NRXN1: variants seen among roughly 807,000 people sequenced by gnomAD.
The protein encoded by NRXN1 is neurexin 1.
Under a neutral mutation model 150.9 loss-of-function variants are expected in NRXN1, and 39 were observed. The observed-to-expected ratio is 0.26, with a 90% CI of 0.20 to 0.34. NRXN1 has a LOEUF of 0.34. Ranked by LOEUF, NRXN1 falls within the 10% of genes least tolerant of loss-of-function variation. The pLI, the probability that NRXN1 is intolerant of heterozygous loss-of-function variation, is 1.00. For missense variants in NRXN1, 1,815 were observed against 1,949.9 expected, an observed-to-expected ratio of 0.93 and a Z score of 1.30; for synonymous variants, 924 against 757.0, an observed-to-expected ratio of 1.22 and a Z score of -3.62.
chr2:51,030,992 G>A (rs1671457619), intron 1 of NRXN1, among the ~76,000 whole-genome samples: 1 of 151,392 alleles, frequency 6.6e-6, no homozygotes, highest in African/African-American at 2.4e-5. Context: ...CTCCACTAAT[G>A]CACACCTTGA....
intron 18 of NRXN1, among the ~76,000 whole-genome samples, chr2:50,182,722 A>C (rs2060814611): frequency 6.6e-6 from 1 of 152,098 alleles, no homozygotes; most frequent in African/African-American, 2.4e-5. Context: ...GGGAGATACA[A>C]TAAAAATCTA....
intron 5 of NRXN1, among the ~76,000 whole-genome samples, chr2:50,870,258 A>G (rs1398422931): frequency 1.3e-5 from 2 of 151,938 alleles, no homozygotes; most frequent in East Asian, 1.9e-4. Context: ...CATAGGTTTA[A>G]TCTTTTAAAC....
At chr2:50,163,397 C>T (rs555686821) in intron 18 of NRXN1, among the ~76,000 whole-genome samples, 1 of 152,134 alleles carries the variant, frequency 6.6e-6, no homozygotes, top group East Asian at 1.9e-4. Flanking sequence ...CCCATCCAAA[C>T]CATTGGCCTC....
Position 50,958,430 on chromosome 2 carries a change from T to C in NRXN1, c.773-32475A>G, listed in dbSNP as rs57463197. The stretch of plus-strand genomic sequence containing the variant: ...AAATTAGTAATTTGCATTCTTCTTT[T>C]ACCTAGGAACATGTCTTTACAAAAC... On this transcript the variant is annotated intron_variant, in intron 2 of 22. Coordinates refer to ENST00000401669, the MANE Select transcript of NRXN1 (RefSeq NM_001330078.2). Among the ~76,000 whole-genome samples the C allele has an allele frequency of 7.0e-3, 1,069 of 152,244 alleles. 8 individuals are homozygous for C. The highest frequency in any genetic ancestry group is 0.024 in the African/African-American group (1,008 of 41,524).
At chr2:50,282,483 T>A (rs2071586969) in intron 17 of NRXN1, among the ~76,000 whole-genome samples, 1 of 152,094 alleles carries the variant, frequency 6.6e-6, no homozygotes, top group African/African-American at 2.4e-5. Flanking sequence ...AATCTGAGTG[T>A]ATGGAGGGAA....
At chr2:50,245,902 TAACTC>T (rs1457147020) in intron 17 of NRXN1, among the ~76,000 whole-genome samples, 2 of 151,856 alleles carry the variant, frequency 1.3e-5, no homozygotes, top group East Asian at 1.9e-4. Flanking sequence ...GGCTTGTACT[TAACTC>T]TATTCTTAGT....
intron 11 of NRXN1, among the ~76,000 whole-genome samples, chr2:50,530,506 C>A (rs753374389): frequency 1.3e-5 from 2 of 152,070 alleles, no homozygotes; most frequent in African/African-American, 2.4e-5. Flanking sequence ...TTTCCTAATT[C>A]AGCCTGGTTT....
Position 50,538,613 on chromosome 2 carries a change from G to A in NRXN1, c.1783C>T (p.Arg595Cys), listed in dbSNP as rs1156747096. The change falls in exon 10 of 23, where the codon CGT (arginine) becomes TGT (cysteine). Residue 595 changes from arginine (R) to cysteine (C), a missense_variant. Physicochemically the swap from Arg to Cys is radical, Grantham distance 180. Coordinates refer to ENST00000401669, the MANE Select transcript of NRXN1 (RefSeq NM_001330078.2). ...TCACCAGGAGCAGTGTAGGGAGTAC[G>A]CAACGTGTTGACAGAAATGGTACCT... Reference protein sequence around the residue: ...RSGTISVNTLRTPYTAPGESE... With the variant: ...RSGTISVNTLCTPYTAPGESE... 2.0e-6 allele frequency: 3 copies of A among 1,499,262 alleles called. No individual in the cohort carries two copies. The highest frequency in any genetic ancestry group is 2.7e-6 in the Non-Finnish European group (3 of 1,122,692). 92.9% of individuals were successfully genotyped at this position (1,499,262 alleles called of 1,614,324 possible). A position where few individuals can be genotyped will look rare whatever the true frequency, so the allele number is the denominator to read the frequency against.
intron 18 of NRXN1, among the ~76,000 whole-genome samples, chr2:50,127,614 CTA>C (rs1487764958): frequency 1.3e-5 from 2 of 152,098 alleles, no homozygotes; most frequent in African/African-American, 4.8e-5. Flanking sequence ...AGGTGCCTTA[CTA>C]TATGTCTTAT....
At chr2:49,969,653 T>A (rs1488908563) in intron 21 of NRXN1, 1 of 152,096 alleles carries the variant, frequency 6.6e-6, no homozygotes, top group Non-Finnish European at 1.5e-5. Flanking sequence ...GAAAGAATTT[T>A]GTCTTTGATA....
chr2:50,595,979 T>C (rs1675134669), intron 8 of NRXN1, among the ~76,000 whole-genome samples: 1 of 152,218 alleles, frequency 6.6e-6, no homozygotes, highest in African/African-American at 2.4e-5. Context: ...AACAATGTCT[T>C]GGTTATTTCC....
intron 21 of NRXN1, among the ~76,000 whole-genome samples, chr2:49,965,627 T>C (rs936006418): frequency 6.6e-5 from 10 of 152,220 alleles, no homozygotes; most frequent in African/African-American, 2.4e-4. Flanking sequence ...CACAAGTTTT[T>C]GTGCCTACTA....
chr2:50,555,233 C>T (rs935160384), intron 8 of NRXN1, among the ~76,000 whole-genome samples: 4 of 152,108 alleles, frequency 2.6e-5, no homozygotes, highest in African/African-American at 4.8e-5. Context: ...TCAATGCTAA[C>T]ACTCATTCTT....
intron 5 of NRXN1, among the ~76,000 whole-genome samples, chr2:50,879,263 A>G (rs1317433838): frequency 6.6e-6 from 1 of 151,924 alleles, no homozygotes; most frequent in Non-Finnish European, 1.5e-5. Flanking sequence ...CTGAATCTCC[A>G]GCCTGCCATT....
chr2:50,876,585 A>C (rs999578824), intron 5 of NRXN1, among the ~76,000 whole-genome samples: 2 of 151,800 alleles, frequency 1.3e-5, no homozygotes, highest in East Asian at 3.9e-4. Context: ...ATACAATATC[A>C]GTATTTGCTC....
chr2:50,875,073 T>C (rs941885904), intron 5 of NRXN1, among the ~76,000 whole-genome samples: 5 of 151,800 alleles, frequency 3.3e-5, no homozygotes, highest in Non-Finnish European at 5.9e-5. Flanking sequence ...TTTTGTTGTG[T>C]TCTACTTTGT....
chr2:50,335,590 G>GA (rs905964608), intron 17 of NRXN1, among the ~76,000 whole-genome samples: 17 of 152,182 alleles, frequency 1.1e-4, no homozygotes, highest in Non-Finnish European at 2.2e-4. Flanking sequence ...AGAGAGCGAG[G>GA]AAAAAAATAT....
At chr2:50,801,216 T>A (rs1707538524) in intron 5 of NRXN1, among the ~76,000 whole-genome samples, 1 of 152,198 alleles carries the variant, frequency 6.6e-6, no homozygotes, top group Non-Finnish European at 1.5e-5. Context: ...GTTTTTAGCT[T>A]AATTTTTATT....
At chr2:50,170,806 T>G (rs941159370) in intron 18 of NRXN1, among the ~76,000 whole-genome samples, 11 of 149,624 alleles carry the variant, frequency 7.4e-5, no homozygotes, top group Admixed American at 2.0e-4. Context: ...TGCATCTGTA[T>G]AGTTGGCCCT....
Sources: gnomAD v4.1 joint callset for allele counts (sites outside exome capture counted in the v4.1 genomes callset) on GRCh38, gnomAD v4.1.1 for gene constraint, MANE v1.5 for transcripts, NCBI Gene and HGNC (gene_info 2026-07-23, HGNC 2026-07-21) for gene names.